DMD: variants seen among roughly 807,000 people sequenced by gnomAD.
The protein encoded by DMD is mutant dystrophin.
A neutral mutation model predicts 330.1 loss-of-function variants in DMD; 63 were observed. The ratio of observed to expected loss-of-function variants is 0.19; its 90% confidence interval spans 0.16 to 0.24. The LOEUF (loss-of-function observed/expected upper bound fraction) is 0.24, where lower values mean the gene tolerates loss of function less well. Ranked by LOEUF, DMD falls within the 10% of genes least tolerant of loss-of-function variation. DMD has a pLI of 1.00. For missense variants in DMD, 3,344 were observed against 2,684.1 expected, an observed-to-expected ratio of 1.25 and a Z score of -5.43; for synonymous variants, 1,223 against 959.8, an observed-to-expected ratio of 1.27 and a Z score of -5.07.
chrX:31,227,434 C>A (rs559046987), intron 63 of DMD, among the ~76,000 whole-genome samples: 52 of 111,567 alleles, frequency 4.7e-4, no homozygotes, highest in Middle Eastern at 4.6e-3. Context: ...TACCCCCAAC[C>A]CACTGCAGTG....
At chrX:31,951,819 T>C (rs1000004941) in intron 45 of DMD, among the ~76,000 whole-genome samples, 2 of 111,871 alleles carry the variant, frequency 1.8e-5, no homozygotes, top group African/African-American at 6.5e-5. Flanking sequence ...TCTCTTCATT[T>C]GGGTTCGAGT....
chrX:32,810,052 G>A (rs2077257514), intron 6 of DMD, among the ~76,000 whole-genome samples: 2 of 110,129 alleles, frequency 1.8e-5, no homozygotes, highest in South Asian at 4.0e-4. Context: ...AGCCCAGGGA[G>A]GTTGAGGGTT....
chrX:31,567,812 T>C (rs923902570), intron 55 of DMD, among the ~76,000 whole-genome samples: 1 of 110,998 alleles, frequency 9.0e-6, no homozygotes, highest in Non-Finnish European at 1.9e-5. Context: ...ATTGAGCCAG[T>C]TCCCACAGAG....
chrX:32,167,729 G>A (rs1831825427), intron 44 of DMD, among the ~76,000 whole-genome samples: 1 of 111,774 alleles, frequency 8.9e-6, no homozygotes, highest in Non-Finnish European at 1.9e-5. Flanking sequence ...TGAAGGACAG[G>A]CACGAAGGCC....
chrX:31,411,482 C>A (rs1300361499), intron 60 of DMD, among the ~76,000 whole-genome samples: 2 of 111,979 alleles, frequency 1.8e-5, no homozygotes, highest in Non-Finnish European at 1.9e-5. Context: ...CAAAAGAGAA[C>A]TTATTGTAGA....
At chrX:31,819,440 A>G (rs187926573) in intron 50 of DMD, among the ~76,000 whole-genome samples, 3 of 111,298 alleles carry the variant, frequency 2.7e-5, no homozygotes, top group Non-Finnish European at 5.7e-5. Context: ...GTCCCTCTTC[A>G]GGAACAATGC....
At chrX:32,863,535 TATACACACACAC>T (rs2082242008) in intron 2 of DMD, among the ~76,000 whole-genome samples, 1 of 16,513 alleles carries the variant, frequency 6.1e-5, no homozygotes, top group African/African-American at 6.0e-4. Flanking sequence ...AGATTGTGTT[TATACACACACAC>T]ACACACACAC....
At chrX:32,643,726 T>C (rs932554304) in intron 11 of DMD, among the ~76,000 whole-genome samples, 7 of 111,916 alleles carry the variant, frequency 6.3e-5, no homozygotes, top group African/African-American at 2.3e-4. Context: ...TGAGTAACTC[T>C]TTAATATTTT....
intron 1 of DMD, among the ~76,000 whole-genome samples, chrX:33,275,257 T>C (rs1018676379): frequency 5.4e-5 from 6 of 111,901 alleles, no homozygotes; most frequent in Admixed American, 4.8e-4. Flanking sequence ...GCTCATAAAA[T>C]TAGCAATGAA....
chrX:31,194,597 G>C (rs760946278), intron 67 of DMD, among the ~76,000 whole-genome samples: 1 of 112,281 alleles, frequency 8.9e-6, no homozygotes, highest in Non-Finnish European at 1.9e-5. Context: ...AGCAACCATG[G>C]ATTGAACAGA....
At chrX:32,846,435 A>G (rs1191331266) in intron 3 of DMD, among the ~76,000 whole-genome samples, 1 of 111,141 alleles carries the variant, frequency 9.0e-6, no homozygotes, top group Non-Finnish European at 1.9e-5. Flanking sequence ...GTCTTTCTCA[A>G]GTAGTTCCTC....
intron 30 of DMD, among the ~76,000 whole-genome samples, chrX:32,393,018 C>A (rs1176114165): frequency 1.1e-4 from 12 of 112,073 alleles, no homozygotes; most frequent in Non-Finnish European, 2.3e-4. Context: ...GAGAACCATC[C>A]AGGTGAGCTT....
chrX:31,417,111 T>C (rs2061909310), intron 60 of DMD, among the ~76,000 whole-genome samples: 1 of 111,542 alleles, frequency 9.0e-6, no homozygotes, highest in South Asian at 3.8e-4. Context: ...AATGCCCTGT[T>C]CTTCTTCGGG....
intron 7 of DMD, among the ~76,000 whole-genome samples, chrX:32,700,905 G>A (rs1449387510): frequency 8.9e-6 from 1 of 111,732 alleles, no homozygotes; most frequent in Admixed American, 9.5e-5. Context: ...AAAGCAGGTT[G>A]AACAAGTGAC....
At chrX:32,628,847 A>T (rs1321679625) in intron 11 of DMD, among the ~76,000 whole-genome samples, 2 of 111,812 alleles carry the variant, frequency 1.8e-5, no homozygotes, top group Non-Finnish European at 3.8e-5. Flanking sequence ...TCCTACTGAT[A>T]TCTTGATATA....
At chrX:32,768,538 TACC>T (rs1484498674) in intron 7 of DMD, among the ~76,000 whole-genome samples, 1 of 112,061 alleles carries the variant, frequency 8.9e-6, no homozygotes, top group South Asian at 3.7e-4. Flanking sequence ...CCAGCATGGT[TACC>T]ACAATAAATT....
intron 44 of DMD, among the ~76,000 whole-genome samples, chrX:32,154,923 A>T (rs1303082863): frequency 9.0e-6 from 1 of 111,044 alleles, no homozygotes; most frequent in East Asian, 2.8e-4. Flanking sequence ...GAAGAAAGAA[A>T]TGCTCCAGGA....
intron 50 of DMD, among the ~76,000 whole-genome samples, chrX:31,777,398 T>A (rs767987886): frequency 3.6e-5 from 4 of 110,891 alleles, no homozygotes; most frequent in Non-Finnish European, 7.6e-5. Flanking sequence ...AGGAAATAGC[T>A]CTGAATCAGA....
chrX:32,577,173 A>C (rs5972600), intron 13 of DMD, among the ~76,000 whole-genome samples: 3,107 of 111,484 alleles, frequency 0.028, 95 homozygotes, highest in African/African-American at 0.094. Context: ...GGACACAGCA[A>C]AACACCAGGG....
Sources: allele counts gnomAD v4.1 joint callset (sites outside exome capture counted in the v4.1 genomes callset), GRCh38; gene constraint gnomAD v4.1.1; transcripts MANE v1.5; gene names NCBI Gene and HGNC (gene_info 2026-07-23, HGNC 2026-07-21).